The following MRPS27 variants were observed in gnomAD, a reference collection of about 807,000 sequenced individuals.
MRPS27 encodes mitochondrial ribosomal protein S27, also known as small ribosomal subunit protein mS27.
In MRPS27, 43 loss-of-function variants were observed where a neutral mutation model predicts 48.9. The observed-to-expected ratio is 0.88, with a 90% CI of 0.69 to 1.13. MRPS27 has a LOEUF of 1.13. Ranked by LOEUF, MRPS27 falls within the 50% of genes most tolerant of loss-of-function variation. The probability of loss-of-function intolerance (pLI) is 0.00; values close to 1 mark genes in which losing one functional copy is unlikely to be tolerated. For synonymous variants in MRPS27, 188 were observed against 171.9 expected (o/e 1.09, Z -0.73); for missense variants, 467 against 476.3 (o/e 0.98, Z 0.18).
intron 4 of MRPS27, among the ~76,000 whole-genome samples, chr5:72,261,314 C>T (rs1220063678): frequency 1.3e-5 from 2 of 151,558 alleles, no homozygotes; most frequent in Admixed American, 6.6e-5. Flanking sequence ...TGCAGTGGCA[C>T]GATCTTGGCT....
intron 8 of MRPS27, among the ~76,000 whole-genome samples, chr5:72,226,743 C>T (rs13179807): frequency 6.6e-6 from 1 of 151,510 alleles, no homozygotes; most frequent in Non-Finnish European, 1.5e-5. Context: ...CTTTGAGTTT[C>T]GTCAGTTTTA....
At chr5:72,277,368 T>C (rs1447899959) in intron 4 of MRPS27, among the ~76,000 whole-genome samples, 1 of 152,134 alleles carries the variant, frequency 6.6e-6, no homozygotes, top group Non-Finnish European at 1.5e-5. Flanking sequence ...ACTGAGTATA[T>C]ACCCAAAGGA....
At chr5:72,247,035 G>T (rs1259586769) in intron 4 of MRPS27, among the ~76,000 whole-genome samples, 1 of 152,194 alleles carries the variant, frequency 6.6e-6, no homozygotes, top group Non-Finnish European at 1.5e-5. Flanking sequence ...ACTTTGGAAA[G>T]TCACTTGATC....
intron 5 of MRPS27, among the ~76,000 whole-genome samples, chr5:72,234,622 T>C (rs1748154182): frequency 6.6e-6 from 1 of 152,162 alleles, no homozygotes; most frequent in Non-Finnish European, 1.5e-5. Flanking sequence ...GTTCTTAGCC[T>C]GGCTTTTAAG....
intron 4 of MRPS27, among the ~76,000 whole-genome samples, chr5:72,238,909 C>CGGTTCCTG (rs770248797): frequency 4.6e-5 from 7 of 152,136 alleles, no homozygotes; most frequent in Non-Finnish European, 1.0e-4. Flanking sequence ...CTGCTACTCC[C>CGGTTCCTG]GGTTCCTGGG....
intron 4 of MRPS27, among the ~76,000 whole-genome samples, chr5:72,250,793 T>C (rs1748644791): frequency 6.6e-6 from 1 of 152,122 alleles, no homozygotes; most frequent in African/African-American, 2.4e-5. Context: ...AAAGACAAGG[T>C]CTCACTCTGT....
intron 4 of MRPS27, among the ~76,000 whole-genome samples, chr5:72,257,649 G>A (rs1302159651): frequency 6.6e-6 from 1 of 152,158 alleles, no homozygotes; most frequent in Non-Finnish European, 1.5e-5. Context: ...GTATTTTACT[G>A]TTGTTATTAT....
At chr5:72,288,508 C>T (rs955424889) in intron 4 of MRPS27, among the ~76,000 whole-genome samples, 16 of 152,214 alleles carry the variant, frequency 1.1e-4, no homozygotes, top group Admixed American at 6.5e-5. Flanking sequence ...CTGCGCCCGG[C>T]CATGGAGGCC....
intron 10 of MRPS27, chr5:72,222,323 C>T (rs1317302574): frequency 6.6e-6 from 1 of 152,250 alleles, no homozygotes; most frequent in Non-Finnish European, 1.5e-5. Context: ...AAGTCAGTCA[C>T]TCTGGGCTAG....
At chr5:72,236,550 G>C (rs929609433) in intron 5 of MRPS27, among the ~76,000 whole-genome samples, 1 of 152,104 alleles carries the variant, frequency 6.6e-6, no homozygotes, top group African/African-American at 2.4e-5. Flanking sequence ...CTGAACTGAA[G>C]AAAACAAGAT....
chr5:72,300,876 T>G (rs1750108846), intron 2 of MRPS27, among the ~76,000 whole-genome samples: 1 of 152,228 alleles, frequency 6.6e-6, no homozygotes, highest in African/African-American at 2.4e-5. Context: ...TGTGTTGTTT[T>G]TCTGTCTCTT....
chr5:72,253,195 T>C (rs1218691002), intron 4 of MRPS27, among the ~76,000 whole-genome samples: 1 of 152,196 alleles, frequency 6.6e-6, no homozygotes, highest in Non-Finnish European at 1.5e-5. Flanking sequence ...TCCATTACTT[T>C]TGTTTTCTAA....
intron 4 of MRPS27, among the ~76,000 whole-genome samples, chr5:72,293,790 A>G (rs916739078): frequency 2.6e-5 from 4 of 152,342 alleles, no homozygotes; most frequent in African/African-American, 9.6e-5. Flanking sequence ...ACAGGATGAA[A>G]TTCTAAAAAA....
intron 4 of MRPS27, among the ~76,000 whole-genome samples, chr5:72,253,982 C>T (rs113168904): frequency 6.6e-6 from 1 of 152,136 alleles, no homozygotes; most frequent in Non-Finnish European, 1.5e-5. Flanking sequence ...TCTCACTATG[C>T]TATCTAGGCT....
At chr5:72,285,155 C>T (rs1174447066) in intron 4 of MRPS27, among the ~76,000 whole-genome samples, 4 of 152,120 alleles carry the variant, frequency 2.6e-5, no homozygotes, top group African/African-American at 7.2e-5. Flanking sequence ...ATCTGCCTTC[C>T]TTATTTCTCA....
At chr5:72,273,786 C>T (rs62364775) in intron 4 of MRPS27, among the ~76,000 whole-genome samples, 35,331 of 152,016 alleles carry the variant, frequency 0.23, 5,237 homozygotes, top group Non-Finnish European at 0.33. Context: ...TAGGACATTA[C>T]GCTACTGTAG....
intron 4 of MRPS27, among the ~76,000 whole-genome samples, chr5:72,249,542 T>C (rs1229782061): frequency 6.6e-6 from 1 of 150,766 alleles, no homozygotes. Flanking sequence ...AAAATTAGCC[T>C]GGCGCAGCAG....
At chr5:72,306,733 T>G (rs573863397) in intron 2 of MRPS27, among the ~76,000 whole-genome samples, 36 of 152,206 alleles carry the variant, frequency 2.4e-4, no homozygotes, top group Non-Finnish European at 5.1e-4. Flanking sequence ...TTTTTTAGAA[T>G]AGTATGATTA....
chr5:72,229,497 T>C (rs945791284), intron 7 of MRPS27: 4 of 151,952 alleles, frequency 2.6e-5, no homozygotes, highest in African/African-American at 7.2e-5. Context: ...CTTTCAAAAC[T>C]AAGAAGTTTG....
Sources: gnomAD v4.1 joint callset for allele counts (sites outside exome capture counted in the v4.1 genomes callset) on GRCh38, gnomAD v4.1.1 for gene constraint, MANE v1.5 for transcripts, NCBI Gene and HGNC (gene_info 2026-07-23, HGNC 2026-07-21) for gene names.